The following TNS3 variants were observed in gnomAD, a reference collection of about 807,000 sequenced individuals.
TNS3 encodes tensin-3.
TNS3 carries 45 observed loss-of-function variants against 140.9 expected under a neutral mutation model. The ratio of observed to expected loss-of-function variants is 0.32; its 90% CI spans 0.25 to 0.41. TNS3 has a LOEUF of 0.41. Ranked by LOEUF, TNS3 falls within the 10% of genes least tolerant of loss-of-function variation. TNS3 has a pLI of 1.00. For synonymous variants in TNS3, 815 were observed against 788.4 expected, an observed-to-expected ratio of 1.03 and a Z score of -0.56; for missense variants, 1,716 against 1,906.7, an observed-to-expected ratio of 0.90 and a Z score of 1.86.
At chr7:47,527,049 G>C (rs1186869528) in intron 2 of TNS3, among the ~76,000 whole-genome samples, 1 of 148,788 alleles carries the variant, frequency 6.7e-6, no homozygotes, top group Non-Finnish European at 1.5e-5. Context: ...TGGCTAACAT[G>C]GTGAAACCCC....
intron 13 of TNS3, among the ~76,000 whole-genome samples, chr7:47,410,362 G>C (rs1218185154): frequency 6.6e-6 from 1 of 152,212 alleles, no homozygotes; most frequent in African/African-American, 2.4e-5. Flanking sequence ...TCTTGCCTAT[G>C]AAACAGGAGG....
intron 1 of TNS3, among the ~76,000 whole-genome samples, chr7:47,570,183 C>T (rs1800521510): frequency 6.6e-6 from 1 of 152,188 alleles, no homozygotes; most frequent in African/African-American, 2.4e-5. Flanking sequence ...ATAAACATTA[C>T]ACAAGGGATT....
At chr7:47,373,212 T>C (rs1350773949) in intron 16 of TNS3, among the ~76,000 whole-genome samples, 1 of 152,214 alleles carries the variant, frequency 6.6e-6, no homozygotes, top group Non-Finnish European at 1.5e-5. Context: ...TCTTTGAAGA[T>C]GGGATCCCCA....
At chr7:47,306,204 T>A (rs963732929) in intron 20 of TNS3, among the ~76,000 whole-genome samples, 1 of 152,218 alleles carries the variant, frequency 6.6e-6, no homozygotes, top group African/African-American at 2.4e-5. Context: ...TAGGGGGTTT[T>A]CATTAATCCA....
chr7:47,346,195 C>G lies in TNS3; in HGVS notation c.2443G>C (p.Val815Leu). 1 of 1,613,998 alleles carries G rather than the reference C, an allele frequency of 6.2e-7. No homozygotes were observed. Among genetic ancestry groups the G allele is most frequent in the Non-Finnish European group, 8.5e-7 (1 of 1,179,872 alleles). ...CTGGCTGTGGCACATACCTCTTTGA[C>G]GTCCGCTGGTGAGGGGAATGGCGGC... ...NLPPFPSPADVKETMTPGYPQ... is the reference protein window; with the variant it reads ...NLPPFPSPADLKETMTPGYPQ... Residue 815 changes from valine to leucine, a missense_variant, in exon 18 of 31, where the codon GTC becomes CTC. By Grantham distance (32) the Val-to-Leu change is conservative. This residue lies in a region of TNS3 where 1,163 missense variants were observed against 1,182.1 expected (regional missense o/e 0.98). Transcript: ENST00000311160.
chr7:47,431,213 CT>C (rs531391746), intron 8 of TNS3, among the ~76,000 whole-genome samples: 23 of 152,290 alleles, frequency 1.5e-4, no homozygotes, highest in Middle Eastern at 3.4e-3. Context: ...CACACCAAAA[CT>C]TATGGGATGC....
At chr7:47,374,634 A>G (rs1341597953) in intron 16 of TNS3, among the ~76,000 whole-genome samples, 1 of 152,214 alleles carries the variant, frequency 6.6e-6, no homozygotes, top group Non-Finnish European at 1.5e-5. Flanking sequence ...GCTGACTGCC[A>G]GTCTCGCCAA....
chr7:47,431,449 T>C (rs1354841493), intron 8 of TNS3, among the ~76,000 whole-genome samples: 1 of 151,878 alleles, frequency 6.6e-6, no homozygotes, highest in East Asian at 1.9e-4. Flanking sequence ...AAAAATTAGC[T>C]GGGTGTGGTG....
At chr7:47,367,023 G>T (rs80076280) in intron 17 of TNS3, among the ~76,000 whole-genome samples, 1 of 152,160 alleles carries the variant, frequency 6.6e-6, no homozygotes, top group Non-Finnish European at 1.5e-5. Context: ...ACACCCCAAC[G>T]TGCCAATGTG....
chr7:47,506,010 T>C (rs977772034), intron 3 of TNS3, among the ~76,000 whole-genome samples: 1 of 152,068 alleles, frequency 6.6e-6, no homozygotes, highest in African/African-American at 2.4e-5. Flanking sequence ...GGGCTGGAAA[T>C]GATCAAAACA....
intron 1 of TNS3, among the ~76,000 whole-genome samples, chr7:47,549,387 C>T (rs566163015): frequency 1.1e-4 from 17 of 152,002 alleles, no homozygotes; most frequent in African/African-American, 4.1e-4. Context: ...CCCAGCTACT[C>T]GGGAGGCTGA....
At chr7:47,444,346 C>T (rs1795615714) in intron 4 of TNS3, among the ~76,000 whole-genome samples, 1 of 152,228 alleles carries the variant, frequency 6.6e-6, no homozygotes, top group South Asian at 2.1e-4. Flanking sequence ...TACAAGTGGG[C>T]TGTCGCTTCA....
At chr7:47,546,063 T>C (rs965916695) in intron 1 of TNS3, among the ~76,000 whole-genome samples, 2 of 152,188 alleles carry the variant, frequency 1.3e-5, no homozygotes, top group Non-Finnish European at 2.9e-5. Flanking sequence ...TGCTCTCCTG[T>C]AGCCTGGAGC....
intron 4 of TNS3, among the ~76,000 whole-genome samples, chr7:47,474,241 CAA>C: frequency 6.7e-6 from 1 of 149,918 alleles, no homozygotes; most frequent in African/African-American, 2.5e-5. Flanking sequence ...AAACACCTCA[CAA>C]ACAATACACA....
intron 20 of TNS3, among the ~76,000 whole-genome samples, chr7:47,316,381 C>T (rs919954166): frequency 2.6e-5 from 4 of 152,098 alleles, no homozygotes; most frequent in Admixed American, 2.0e-4. Context: ...ACATTGTCAA[C>T]CCCTGGGGCC....
At chr7:47,375,981 G>A (rs1042786385) in intron 16 of TNS3, among the ~76,000 whole-genome samples, 6 of 152,202 alleles carry the variant, frequency 3.9e-5, no homozygotes, top group African/African-American at 1.2e-4. Context: ...TTTGTGACAG[G>A]TGTGCTTAAA....
intron 16 of TNS3, among the ~76,000 whole-genome samples, chr7:47,391,081 C>A (rs547773942): frequency 3.3e-4 from 50 of 152,348 alleles, no homozygotes; most frequent in African/African-American, 1.2e-3. Flanking sequence ...TCCTCCTGCA[C>A]ACACCAGCCA....
At position 47,439,487 on chromosome 7, in the gene TNS3, C is replaced by A; in HGVS notation, c.150G>T (p.Leu50=). Residue 50 remains leucine (L), a splice_region_variant and synonymous_variant, in exon 6 of 31, where the codon CTG becomes CTT. Coordinates refer to ENST00000311160, the MANE Select transcript of TNS3 (RefSeq NM_022748.12). ...GCTCCCAGAGCCGCCCACCGCTCACCAGGTAGTTGTCCCCGTGCTTGGACT... is the reference window on the plus strand; with the variant it reads ...GCTCCCAGAGCCGCCCACCGCTCACAAGGTAGTTGTCCCCGTGCTTGGACT... ...MLKSKHGDNY[L]VLNLSEKRYD... 1 of 1,613,592 alleles carries A rather than the reference C, an allele frequency of 6.2e-7. No homozygotes were observed.
intron 1 of TNS3, among the ~76,000 whole-genome samples, chr7:47,560,683 G>A (rs1224306031): frequency 2.0e-5 from 3 of 152,084 alleles, no homozygotes; most frequent in African/African-American, 7.2e-5. Flanking sequence ...CCCTTTCCAG[G>A]GGCAACAGCA....
Sources: gnomAD v4.1 joint callset for allele counts (sites outside exome capture counted in the v4.1 genomes callset) on GRCh38, gnomAD v4.1.1 for gene constraint, gnomAD v4.1.1 regional missense constraint, MANE v1.5 for transcripts, NCBI Gene and HGNC (gene_info 2026-07-23, HGNC 2026-07-21) for gene names.